The following MAP3K12 variants were observed in gnomAD, a reference collection of about 807,000 sequenced individuals.
The protein encoded by MAP3K12 is mitogen-activated protein kinase kinase kinase 12, also known as MAPK-upstream kinase.
A neutral mutation model predicts 87.5 loss-of-function variants in MAP3K12; 14 were observed. That is an observed-to-expected ratio of 0.16 (90% CI 0.11 to 0.25). MAP3K12 has a LOEUF of 0.25. MAP3K12 is among the 10% of genes least tolerant of loss of function. The pLI is 1.00. For synonymous variants in MAP3K12, 469 were observed against 452.5 expected, an observed-to-expected ratio of 1.04 and a Z score of -0.46; for missense variants, 802 against 1,140.4, an observed-to-expected ratio of 0.70 and a Z score of 4.27.
At chr12:53,481,444 G>A (rs893292125) in intron 13 of MAP3K12, 164 bp from the exon 14 acceptor site, 3 of 340,478 alleles carry the variant, frequency 8.8e-6, no homozygotes, top group Admixed American at 4.5e-5. Context: ...CTGCCTCCCA[G>A]GTTCAAGCAA....
At chr12:53,492,649 G>C (rs35881151) in intron 1 of MAP3K12, among the ~76,000 whole-genome samples, 1 of 152,084 alleles carries the variant, frequency 6.6e-6, no homozygotes. Context: ...GTAAGGTGTA[G>C]GTTGCAATGC....
chr12:53,490,562 G>T (rs145133649), intron 1 of MAP3K12, among the ~76,000 whole-genome samples: 1 of 152,006 alleles, frequency 6.6e-6, no homozygotes, highest in Non-Finnish European at 1.5e-5. Context: ...TGGCTAACAC[G>T]GTGAAACCCT....
rs773936776 is a variant in MAP3K12, at chr12:53,486,646, A to G, written c.446-24T>C. 3.6e-5 allele frequency: 56 copies of G among 1,549,702 alleles called. No homozygotes were observed. Among genetic ancestry groups the G allele is most frequent in the Non-Finnish European group, 4.7e-5 (54 of 1,149,232 alleles). On this transcript the variant is annotated intron_variant, in intron 2 of 13. Transcript: ENST00000547488. This position sits in a 1 kb window ranked among gnomAD's most constrained non-coding sequence, Gnocchi z 4.9. ...GTCTGTGGGCAGGAGGCACAGTGCC[A>G]CAAGCCTCAGAAAGAGCCACACTCA... is the stretch of plus-strand genomic sequence containing the variant.
chr12:53,483,186 T>C lies in MAP3K12; in HGVS notation c.1617A>G (p.Pro539=), dbSNP rs1487943148. The C allele has an allele frequency of 2.0e-6, 3 of 1,525,422 alleles. No homozygotes were observed. The highest frequency in any genetic ancestry group is 1.8e-6 in the Non-Finnish European group (2 of 1,139,028). 94.5% of individuals were successfully genotyped at this position (1,525,422 alleles called of 1,614,324 possible). A position where few individuals can be genotyped will look rare whatever the true frequency, so the allele number is the denominator to read the frequency against. ...GCAAAGACTCCGTCTTGAGGATATC[T>C]GGCCTGGAAGAAGAGGAAAAGTAAA... ...PQKLSPHSKR[P]DILKTESLLP... The change falls in exon 11 of 14, where the codon CCA becomes CCG. Residue 539 remains proline, a synonymous_variant. Coordinates refer to ENST00000547488, the MANE Select transcript of MAP3K12 (RefSeq NM_001193511.2).
chr12:53,483,185 C>T lies in MAP3K12; in HGVS notation c.1618G>A (p.Asp540Asn). ...QKLSPHSKRP[D>N]ILKTESLLPK... Reference sequence around the variant, plus strand: ...AGCAAAGACTCCGTCTTGAGGATATCTGGCCTGGAAGAAGAGGAAAAGTAA... The same window carrying T: ...AGCAAAGACTCCGTCTTGAGGATATTTGGCCTGGAAGAAGAGGAAAAGTAA... The change falls in exon 11 of 14, where the codon GAT becomes AAT. Residue 540 changes from aspartate (D) to asparagine (N), a missense_variant. Coordinates refer to ENST00000547488, the MANE Select transcript of MAP3K12 (RefSeq NM_001193511.2). The T allele has an allele frequency of 1.3e-6, 2 of 1,525,288 alleles. No individual in the cohort carries two copies. Among genetic ancestry groups the T allele is most frequent in the East Asian group, 2.3e-5 (1 of 44,212 alleles). The allele number at this position is 1,525,288 out of a possible 1,614,324, so 94.5% of individuals were successfully genotyped here.
Position 53,482,001 on chromosome 12 carries a change from G to A in MAP3K12, c.2520C>T (p.Val840=). The A allele has an allele frequency of 6.2e-7, 1 of 1,614,196 alleles. No individual in the cohort carries two copies. Among genetic ancestry groups the A allele is most frequent in the Non-Finnish European group, 8.5e-7 (1 of 1,180,024 alleles). The change falls in exon 13 of 14, where the codon GTC becomes GTT. Residue 840 remains valine (V), a synonymous_variant. Transcript: ENST00000547488. ...GGGAGCTGGGTTCAGGGCCAGGGAT[G>A]ACCTCTGAAGGAGGTGGGTCCAGTG... ...EIPLDPPPSE[V]IPGPEPSSLP... is the part of the protein sequence containing the mutation.
chr12:53,488,275 T>C (rs7316484), intron 1 of MAP3K12, among the ~76,000 whole-genome samples: 3,181 of 152,292 alleles, frequency 0.021, 100 homozygotes, highest in African/African-American at 0.07. Flanking sequence ...GGTCTTGTCT[T>C]CTCTTTCCTC....
chr12:53,480,605 C>T lies in MAP3K12; in HGVS notation c.*577G>A, dbSNP rs1221962372. On this transcript the variant is annotated 3_prime_UTR_variant, in exon 14 of 14. Coordinates refer to ENST00000547488, the MANE Select transcript of MAP3K12 (RefSeq NM_001193511.2). ...CAGGGACTTAAACAGCACCCCGGTT[C>T]TTCAGCCTGAGCCATCACATGCTAT... 2.6e-5 allele frequency: 4 copies of T among 152,658 alleles called. No homozygotes were observed. The highest frequency in any genetic ancestry group is 2.0e-4 in the Admixed American group (3 of 15,272). The allele number at this position is 152,658 out of a possible 1,614,324, so 9.5% of individuals were successfully genotyped here.
intron 1 of MAP3K12, among the ~76,000 whole-genome samples, chr12:53,489,357 T>C (rs1943338294): frequency 6.6e-6 from 1 of 152,132 alleles, no homozygotes; most frequent in African/African-American, 2.4e-5. Context: ...GAATCCTGAC[T>C]TGCTTCTGCC....
chr12:53,497,765 G>C (rs1290968383), intron 1 of MAP3K12, among the ~76,000 whole-genome samples: 3 of 152,174 alleles, frequency 2.0e-5, no homozygotes, highest in Non-Finnish European at 4.4e-5. Context: ...GAATGTAGGG[G>C]TGATCTCCAG....
rs750272809 is a variant in MAP3K12, at chr12:53,483,068, G to T, written c.1735C>A (p.Arg579Ser). The T allele has an allele frequency of 6.5e-7, 1 of 1,540,932 alleles. No homozygotes were observed. Among genetic ancestry groups the T allele is most frequent in the Non-Finnish European group, 8.7e-7 (1 of 1,145,396 alleles). Residue 579 changes from arginine (R) to serine (S), a missense_variant, in exon 11 of 14, where the codon CGT becomes AGT. Arg to Ser is a moderately radical substitution (Grantham distance 110). This residue lies in a region of MAP3K12 where 490 missense variants were observed against 496.6 expected (regional missense o/e 0.99). Coordinates refer to ENST00000547488, the MANE Select transcript of MAP3K12 (RefSeq NM_001193511.2). ...CCCTTGGCGCTGGCCTTGCGGTGACGGGTCTTGCCACGGCGACTCCGTCCT... is the reference window on the plus strand; with the variant it reads ...CCCTTGGCGCTGGCCTTGCGGTGACTGGTCTTGCCACGGCGACTCCGTCCT... The part of the protein sequence containing the change: ...SPGRSRRGKT[R>S]HRKASAKGSC...
chr12:53,484,473 G>A, intron 6 of MAP3K12, 108 bp from the exon 7 acceptor site: 1 of 738,756 alleles, frequency 1.4e-6, no homozygotes, highest in Non-Finnish European at 2.3e-6. Context: ...ATCCTAGAAT[G>A]TACTCTGTGA....
chr12:53,481,283 G>A lies in MAP3K12; in HGVS notation c.2581-3C>T. 1 of 1,526,230 alleles carries A rather than the reference G, an allele frequency of 6.6e-7. No individual in the cohort carries two copies. The highest frequency in any genetic ancestry group is 1.2e-5 in the South Asian group (1 of 80,202). The allele number at this position is 1,526,230 out of a possible 1,614,324, so 94.5% of individuals were successfully genotyped here. On this transcript the variant is annotated splice_polypyrimidine_tract_variant and splice_region_variant and intron_variant, in intron 13 of 13. Transcript: ENST00000547488. ...GAGTCCTCAGAATTGGGAGGGCCCTGTGAGAAAGAGTAGAAATGGAGTGAG... is the reference window on the plus strand; with the variant it reads ...GAGTCCTCAGAATTGGGAGGGCCCTATGAGAAAGAGTAGAAATGGAGTGAG...
intron 13 of MAP3K12, 175 bp downstream of exon 13, chr12:53,481,766 G>C: frequency 1.4e-6 from 1 of 709,398 alleles, no homozygotes. Context: ...CTACTGGTCA[G>C]GCATCGTAAT....
At position 53,482,062 on chromosome 12, in the gene MAP3K12, C is replaced by T. The variant is rs751688744; in HGVS notation, c.2459G>A (p.Arg820Gln). 7 of 1,614,142 alleles carry T rather than the reference C, an allele frequency of 4.3e-6. No homozygotes were observed. The highest frequency in any genetic ancestry group is 5.1e-6 in the Non-Finnish European group (6 of 1,180,006). The change falls in exon 13 of 14, where the codon CGG becomes CAG. Residue 820 changes from arginine (R) to glutamine (Q), a missense_variant. Arg to Gln is a conservative substitution (Grantham distance 43). Transcript: ENST00000547488. ...STNTDERPDE[R>Q]SDDMCSQGSE... ...GCCCTGGGAGCACATGTCATCAGAC[C>T]GCTCATCTGGCCGCTCATCAGTGTT...
upstream of MAP3K12, chr12:53,501,519 G>A (rs1943705117): frequency 5.2e-6 from 8 of 1,548,932 alleles, no homozygotes; most frequent in African/African-American, 1.4e-5. Flanking sequence ...TGCGGAGGGA[G>A]TAGCGGCGCG....
chr12:53,501,323 C>A (rs1215867121), upstream of MAP3K12: 45 of 1,492,836 alleles, frequency 3.0e-5, no homozygotes, highest in Non-Finnish European at 3.9e-5. Context: ...CGACTCCGGG[C>A]TTGGCCCCGG....
intron 1 of MAP3K12, among the ~76,000 whole-genome samples, chr12:53,489,261 C>T (rs995324438): frequency 2.6e-5 from 4 of 151,824 alleles, no homozygotes; most frequent in Non-Finnish European, 4.4e-5. Context: ...GCCCAGGTGG[C>T]GGAGGTTGCA....
intron 1 of MAP3K12, 29 bp from the exon 2 acceptor site, chr12:53,487,457 G>C: frequency 6.5e-7 from 1 of 1,544,710 alleles, no homozygotes; most frequent in Non-Finnish European, 8.7e-7. Flanking sequence ...GAGGGGCTGG[G>C]CTGTTAAAGC....
Sources: allele counts gnomAD v4.1 joint callset (sites outside exome capture counted in the v4.1 genomes callset), GRCh38; gene constraint gnomAD v4.1.1; regional missense constraint gnomAD v4.1.1; non-coding constraint Gnocchi (gnomAD v3.1); transcripts MANE v1.5; gene names NCBI Gene and HGNC (gene_info 2026-07-23, HGNC 2026-07-21).